Variants in PTOV1 observed in about 807,000 individuals in gnomAD.
PTOV1 encodes PTOV1 extended AT-hook containing adaptor protein, also known as prostate tumor-overexpressed gene 1 protein.
A neutral mutation model predicts 58.0 loss-of-function variants in PTOV1; 20 were observed. That is an observed-to-expected ratio of 0.34 (90% CI 0.24 to 0.50). The LOEUF (loss-of-function observed/expected upper bound fraction) is 0.50. Ranked by LOEUF, PTOV1 falls within the 20% of genes least tolerant of loss-of-function variation. The pLI is 0.98. For synonymous variants in PTOV1, 335 were observed against 234.2 expected, an observed-to-expected ratio of 1.43 and a Z score of -3.93; for missense variants, 593 against 565.4, an observed-to-expected ratio of 1.05 and a Z score of -0.50.
chr19:49,858,980 C>T (rs978521503), intron 10 of PTOV1: 2 of 237,300 alleles, frequency 8.4e-6, no homozygotes, highest in African/African-American at 2.2e-5. Context: ...CCCAAAGGCC[C>T]ATTGCTGGGC....
Position 49,851,881 on chromosome 19 carries a change from A to G in PTOV1, c.171+382A>G, listed in dbSNP as rs2074266430. The G allele has an allele frequency of 5.1e-6, 5 of 986,006 alleles. No homozygotes were observed. In the South Asian group the frequency reaches 1.9e-4, roughly 37 times the overall value. 61.1% of individuals were successfully genotyped at this position (986,006 alleles called of 1,614,324 possible). A position where few individuals can be genotyped will look rare whatever the true frequency, so the allele number is the denominator to read the frequency against. On this transcript the variant is annotated intron_variant, in intron 1 of 11. Transcript: ENST00000391842. Reference sequence around the variant, plus strand: ...GGAAATGGGGGCGGTTTTGGGGGACAGCGGCGAGGGAGGGGCCCGCGCTTT... The same window carrying G: ...GGAAATGGGGGCGGTTTTGGGGGACGGCGGCGAGGGAGGGGCCCGCGCTTT...
chr19:49,856,743 G>A (rs7255409), intron 5 of PTOV1: 5,685 of 526,616 alleles, frequency 0.011, 50 homozygotes, highest in Non-Finnish European at 0.016. Context: ...CATTCTCACC[G>A]CAGCCTGGGT....
At chr19:49,851,334 C>G (rs2074235937) in exon 1 of PTOV1, 10 of 1,075,196 alleles carry the variant, frequency 9.3e-6, no homozygotes, top group East Asian at 6.7e-5. Flanking sequence ...CCGCCATGGT[C>G]CGTCCGCGCC....
intron 10 of PTOV1, 113 bp from the exon 11 acceptor site, chr19:49,859,873 G>A (rs1600404275): frequency 1.7e-6 from 2 of 1,182,754 alleles, no homozygotes; most frequent in East Asian, 2.3e-5. Flanking sequence ...GGGGTGTGAG[G>A]ACAGAGCAGT....
chr19:49,851,423 T>C, exon 1 of PTOV1: 1 of 1,207,264 alleles, frequency 8.3e-7, no homozygotes, highest in Non-Finnish European at 1.0e-6. Flanking sequence ...GTGCGCGCCG[T>C]CCGCTCGCGC....
intron 5 of PTOV1, chr19:49,855,279 C>G: frequency 1.7e-6 from 1 of 590,908 alleles, no homozygotes; most frequent in East Asian, 2.9e-5. Context: ...GCCTGAGAGG[C>G]CTCCAGTTTC....
chr19:49,851,038 C>T (rs2074219045), upstream of PTOV1: 1 of 1,521,614 alleles, frequency 6.6e-7, no homozygotes, highest in African/African-American at 1.4e-5. Context: ...GAGAGGCCCG[C>T]AGGACCGCCG....
intron 3 of PTOV1, 35 bp from the exon 4 acceptor site, chr19:49,854,796 C>T (rs2074389172): frequency 1.9e-6 from 3 of 1,613,232 alleles, no homozygotes. Flanking sequence ...CCGTGGGGAT[C>T]AGGGCAGCCC....
rs80292214 is a variant in PTOV1 at position 49,855,190 on chromosome 19, G to C, written c.558+113G>C. 3.0e-3 allele frequency: 3,065 copies of C among 1,012,356 alleles called. 54 individuals carry two copies. In the African/African-American group the frequency reaches 0.041, roughly 13 times the overall value. 62.7% of individuals were successfully genotyped at this position (1,012,356 alleles called of 1,614,324 possible). On this transcript the variant is annotated intron_variant, in intron 5 of 11. Transcript: ENST00000391842. ...GGGGTCTCCCCTGGGGCCGAGGGTA[G>C]CCCTCGTGGCCTCTCGGACCCCATC... is the stretch of plus-strand genomic sequence containing the variant.
At chr19:49,856,696 C>T (rs990235726) in intron 5 of PTOV1, 4 of 430,902 alleles carry the variant, frequency 9.3e-6, no homozygotes, top group Non-Finnish European at 1.7e-5. Flanking sequence ...GGGCTGGCGG[C>T]AGGGGGTGAT....
chr19:49,857,049 G>T (rs752186492), exon 6 of PTOV1: 1 of 1,614,130 alleles, frequency 6.2e-7, no homozygotes, highest in Non-Finnish European at 8.5e-7. Flanking sequence ...CGTCCAAGAA[G>T]AAGATCTTCA....
chr19:49,854,523 G>A (rs2122198335), exon 2 of PTOV1: 5 of 1,613,090 alleles, frequency 3.1e-6, no homozygotes, highest in South Asian at 1.1e-5. Context: ...GGCTTGGAGC[G>A]GCGTCCTCGA....
At chr19:49,858,507 G>A in intron 9 of PTOV1, 42 bp from the exon 10 acceptor site, 1 of 1,508,690 alleles carries the variant, frequency 6.6e-7, no homozygotes, top group South Asian at 1.2e-5. Flanking sequence ...GGAGGCCGTG[G>A]TGGGAGAAGC....
chr19:49,857,623 G>GGCCCCAGGACAGACAGACAGGT, intron 6 of PTOV1, 70 bp from the exon 7 acceptor site: 1 of 1,428,484 alleles, frequency 7.0e-7, no homozygotes, highest in Non-Finnish European at 9.7e-7. Flanking sequence ...AGGGATGGCA[G>GGCCCCAGGACAGACAGACAGGT]GCCCCAGGAC....
rs2074237474 is a variant in PTOV1, at chr19:49,851,361, C to T, written c.33C>T (p.Ser11=). The T allele has an allele frequency of 2.7e-6, 3 of 1,115,072 alleles. 1 individual carries two copies. The highest frequency in any genetic ancestry group is 8.6e-5 in the South Asian group (2 of 23,340). 69.1% of individuals were successfully genotyped at this position (1,115,072 alleles called of 1,614,324 possible). Residue 11 remains serine (S), a synonymous_variant, in exon 1 of 12, where the codon TCC becomes TCT. Transcript: ENST00000391842. Reference sequence around the variant, plus strand: ...GTCCGCGCCGTGCCCCGTACCGCTCCGGCGCCGGGGGCCCCCTCGGGGGTC... The same window carrying T: ...GTCCGCGCCGTGCCCCGTACCGCTCTGGCGCCGGGGGCCCCCTCGGGGGTC...
At chr19:49,858,151 A>G in intron 9 of PTOV1, 37 bp downstream of exon 9, 3 of 1,606,086 alleles carry the variant, frequency 1.9e-6, no homozygotes, top group Non-Finnish European at 2.5e-6. Context: ...GCCTGCACGC[A>G]GTAGCTCTTC....
At chr19:49,851,789 ACAGG>A in intron 1 of PTOV1, 2 of 1,045,000 alleles carry the variant, frequency 1.9e-6, no homozygotes, top group African/African-American at 1.7e-5. Flanking sequence ...GGGGCGGCAG[ACAGG>A]CAGCCGGCAC....
intron 6 of PTOV1, 188 bp from the exon 7 acceptor site, chr19:49,857,505 A>G (rs1600388495): frequency 4.6e-6 from 3 of 649,470 alleles, no homozygotes; most frequent in Non-Finnish European, 8.2e-6. Context: ...GACCTGTCTC[A>G]GGCCACTGGG....
intron 1 of PTOV1, 33 bp from the exon 2 acceptor site, chr19:49,854,373 C>G (rs757472796): frequency 6.3e-7 from 1 of 1,589,024 alleles, no homozygotes; most frequent in Non-Finnish European, 8.6e-7. Context: ...GCCCCGGCCT[C>G]AGTTTTCCCA....
Sources: gnomAD v4.1 joint callset for allele counts on GRCh38, gnomAD v4.1.1 for gene constraint, MANE v1.5 for transcripts, NCBI Gene and HGNC (gene_info 2026-07-23, HGNC 2026-07-21) for gene names.